The following SLC25A48 variants were observed in gnomAD, a reference collection of about 807,000 sequenced individuals.
The protein encoded by SLC25A48 is CTC-321K16.1.
SLC25A48 carries 29 observed loss-of-function variants against 32.2 expected under a neutral mutation model. The observed-to-expected ratio is 0.90, with a 90% CI of 0.67 to 1.23. SLC25A48 has a LOEUF of 1.23. Ranked by LOEUF, SLC25A48 falls within the 50% of genes most tolerant of loss-of-function variation. SLC25A48 has a pLI of 0.00. For synonymous variants in SLC25A48, 164 were observed against 172.3 expected (o/e 0.95, Z 0.38); for missense variants, 399 against 422.7 (o/e 0.94, Z 0.49).
chr5:135,611,496 C>CAAAAAAAAAAAAACCCAAAA (rs1752062548), intron 1 of SLC25A48, among the ~76,000 whole-genome samples: 1 of 21,340 alleles, frequency 4.7e-5, no homozygotes, highest in Non-Finnish European at 8.2e-5. Context: ...GACTCCATCT[C>CAAAAAAAAAAAAACCCAAAA]AAAAAAAAAA....
At position 135,777,784 on chromosome 5, in the gene SLC25A48, C is replaced by T. The variant is rs867947627; in HGVS notation, c.-520-34739C>T. 6.7e-3 allele frequency among the ~76,000 whole-genome samples: 951 copies of T among 142,428 alleles called. 8 individuals are homozygous for T. The highest frequency in any genetic ancestry group is 0.024 in the African/African-American group (908 of 38,018). The allele number at this position is 142,428 out of a possible 152,430, so 93.4% of individuals were successfully genotyped here. On this transcript the variant is annotated intron_variant, in intron 3 of 10. Transcript: ENST00000646290. ...CCCCTGTGATATTATTCCTAATATC[C>T]GGGGGGGGGGGGAATGTTAATATTA...
chr5:135,625,005 G>A (rs971484495), intron 1 of SLC25A48, among the ~76,000 whole-genome samples: 7 of 152,126 alleles, frequency 4.6e-5, no homozygotes, highest in African/African-American at 1.4e-4. Context: ...TGTCCTTGTG[G>A]GGCTCTCTGT....
chr5:135,771,398 G>A (rs1252141970), intron 3 of SLC25A48, among the ~76,000 whole-genome samples: 1 of 151,686 alleles, frequency 6.6e-6, no homozygotes, highest in African/African-American at 2.4e-5. Flanking sequence ...TATCACGGGG[G>A]GTGTTCACCA....
chr5:135,684,424 G>A (rs1459159637), intron 3 of SLC25A48, among the ~76,000 whole-genome samples: 1 of 152,144 alleles, frequency 6.6e-6, no homozygotes, highest in Non-Finnish European at 1.5e-5. Flanking sequence ...ACATCTGCAA[G>A]GAAGAGAAGG....
intron 3 of SLC25A48, among the ~76,000 whole-genome samples, chr5:135,798,065 G>T (rs1449194742): frequency 6.6e-6 from 1 of 151,854 alleles, no homozygotes; most frequent in South Asian, 2.1e-4. Flanking sequence ...AAAAGAGAAT[G>T]ATATTACTCC....
At chr5:135,817,869 T>C (rs1225708554) in intron 4 of SLC25A48, among the ~76,000 whole-genome samples, 2 of 152,182 alleles carry the variant, frequency 1.3e-5, no homozygotes, top group East Asian at 3.8e-4. Flanking sequence ...CATAGCATGA[T>C]AGCCTAAGCT....
chr5:135,849,170 A>C (rs537602983), intron 2 of SLC25A48, among the ~76,000 whole-genome samples: 52 of 152,186 alleles, frequency 3.4e-4, no homozygotes, highest in Non-Finnish European at 5.0e-4. Flanking sequence ...CATTTTAACT[A>C]TATGTACTCT....
At chr5:135,581,338 T>G (rs1322951427) in intron 1 of SLC25A48, among the ~76,000 whole-genome samples, 1 of 152,176 alleles carries the variant, frequency 6.6e-6, no homozygotes, top group Non-Finnish European at 1.5e-5. Context: ...TAGCTCCATT[T>G]TGGGGTAGGT....
chr5:135,867,075 G>A (rs1448119289), intron 4 of SLC25A48, among the ~76,000 whole-genome samples: 8 of 152,148 alleles, frequency 5.3e-5, no homozygotes, highest in Admixed American at 5.2e-4. Flanking sequence ...CAAATGCAAA[G>A]CATTCATGAT....
intron 1 of SLC25A48, among the ~76,000 whole-genome samples, chr5:135,615,550 A>T (rs1752166651): frequency 6.6e-6 from 1 of 152,236 alleles, no homozygotes; most frequent in African/African-American, 2.4e-5. Context: ...ATATGCTCAC[A>T]TAAATGAGCA....
intron 3 of SLC25A48, among the ~76,000 whole-genome samples, chr5:135,721,703 TC>T (rs11479073): frequency 0.4 from 61,543 of 151,998 alleles, 14,242 homozygotes; most frequent in Non-Finnish European, 0.52. Context: ...GGGGGACAGT[TC>T]CTGCAGGAGG....
chr5:135,684,120 A>G (rs1388951685), intron 3 of SLC25A48, among the ~76,000 whole-genome samples: 1 of 152,206 alleles, frequency 6.6e-6, no homozygotes, highest in Non-Finnish European at 1.5e-5. Flanking sequence ...TGTTCATGAT[A>G]TAAATTTCAA....
chr5:135,879,924 G>C, intron 6 of SLC25A48, 44 bp from the exon 7 acceptor site: 1 of 1,530,868 alleles, frequency 6.5e-7, no homozygotes. Flanking sequence ...GCCCTGCAGA[G>C]AGTGTGGGTC....
At chr5:135,676,621 C>A (rs1284779425) in intron 3 of SLC25A48, among the ~76,000 whole-genome samples, 1 of 152,042 alleles carries the variant, frequency 6.6e-6, no homozygotes, top group Non-Finnish European at 1.5e-5. Context: ...CTTCTCAACA[C>A]TGCTTTTGCA....
At chr5:135,855,996 G>T (rs1357721277) in intron 4 of SLC25A48, among the ~76,000 whole-genome samples, 2 of 152,114 alleles carry the variant, frequency 1.3e-5, no homozygotes, top group Non-Finnish European at 2.9e-5. Context: ...ATCTTTCCTG[G>T]CAGTGGCTTT....
chr5:135,858,408 T>C (rs1760509160), intron 4 of SLC25A48, among the ~76,000 whole-genome samples: 1 of 152,178 alleles, frequency 6.6e-6, no homozygotes, highest in Non-Finnish European at 1.5e-5. Context: ...ACCTCTGCCG[T>C]GCCCCCACAA....
chr5:135,775,583 G>A (rs1269311788), intron 3 of SLC25A48, among the ~76,000 whole-genome samples: 2 of 151,326 alleles, frequency 1.3e-5, no homozygotes, highest in Non-Finnish European at 3.0e-5. Flanking sequence ...TGGTGGGGGG[G>A]AAATAATAGT....
At chr5:135,833,875 G>A (rs992699156), upstream of SLC25A48, among the ~76,000 whole-genome samples, 2 of 152,318 alleles carry the variant, frequency 1.3e-5, no homozygotes, top group Non-Finnish European at 1.5e-5. Flanking sequence ...TGGATGACGT[G>A]ACATGAATAT....
intron 1 of SLC25A48, among the ~76,000 whole-genome samples, chr5:135,612,283 A>T (rs1361045384): frequency 5.3e-5 from 8 of 152,242 alleles, no homozygotes; most frequent in Non-Finnish European, 7.3e-5. Flanking sequence ...TTACATATTT[A>T]TGGGGTACAT....
Sources: gnomAD v4.1 joint callset for allele counts (sites outside exome capture counted in the v4.1 genomes callset) on GRCh38, gnomAD v4.1.1 for gene constraint, MANE v1.5 for transcripts, NCBI Gene and HGNC (gene_info 2026-07-23, HGNC 2026-07-21) for gene names.